The following MDGA2 variants were observed in gnomAD, a reference collection of about 807,000 sequenced individuals.
MDGA2 encodes the protein MAM domain-containing glycosylphosphatidylinositol anchor protein 2.
In MDGA2, 40 loss-of-function variants were observed where a neutral mutation model predicts 117.8. The observed-to-expected ratio is 0.34, with a 90% CI of 0.26 to 0.44. The LOEUF is 0.44. MDGA2 is among the 20% of genes least tolerant of loss of function. The pLI, the probability that MDGA2 is intolerant of heterozygous loss-of-function variation, is 1.00. For missense variants in MDGA2, 1,123 were observed against 1,250.6 expected, an observed-to-expected ratio of 0.90 and a Z score of 1.54; for synonymous variants, 452 against 439.0, an observed-to-expected ratio of 1.03 and a Z score of -0.37.
chr14:47,017,528 T>C (rs551560099), intron 8 of MDGA2, among the ~76,000 whole-genome samples: 1 of 151,950 alleles, frequency 6.6e-6, no homozygotes, highest in Non-Finnish European at 1.5e-5. Flanking sequence ...GTCTGAGGAT[T>C]TAACCAACCC....
intron 3 of MDGA2, among the ~76,000 whole-genome samples, chr14:47,189,356 G>T (rs1002913367): frequency 3.3e-5 from 5 of 152,102 alleles, no homozygotes; most frequent in Non-Finnish European, 7.4e-5. Flanking sequence ...TTTGTGAAAA[G>T]ATTCCTCCCA....
chr14:47,646,010 G>T (rs1266002836), intron 1 of MDGA2, among the ~76,000 whole-genome samples: 2 of 150,212 alleles, frequency 1.3e-5, no homozygotes, highest in African/African-American at 4.9e-5. Context: ...AACTCGGGAG[G>T]CGGAGCTTGC....
chr14:47,575,036 G>A (rs1354626084), intron 1 of MDGA2, among the ~76,000 whole-genome samples: 1 of 152,178 alleles, frequency 6.6e-6, no homozygotes, highest in Non-Finnish European at 1.5e-5. Context: ...ATATAGGTAG[G>A]TGTCTTCTAT....
intron 1 of MDGA2, among the ~76,000 whole-genome samples, chr14:47,430,432 G>T (rs1892776245): frequency 6.6e-6 from 1 of 152,048 alleles, no homozygotes; most frequent in Admixed American, 6.6e-5. Flanking sequence ...TCTTACATAT[G>T]ATCCCTTTGC....
At chr14:47,527,664 TGAG>T in intron 1 of MDGA2, among the ~76,000 whole-genome samples, 1 of 152,256 alleles carries the variant, frequency 6.6e-6, no homozygotes, top group South Asian at 2.1e-4. Context: ...GAAGTGGATA[TGAG>T]GAGAAGCCTC....
chr14:47,106,619 A>G (rs1422428623), intron 5 of MDGA2, among the ~76,000 whole-genome samples: 1 of 151,754 alleles, frequency 6.6e-6, no homozygotes, highest in African/African-American at 2.4e-5. Flanking sequence ...TCTCTGACTG[A>G]CTCCTTCCCA....
chr14:47,176,867 C>G (rs920818534), intron 3 of MDGA2, among the ~76,000 whole-genome samples: 1 of 152,062 alleles, frequency 6.6e-6, no homozygotes, highest in Admixed American at 6.6e-5. Context: ...AACAGGCAAC[C>G]TACACAATGG....
At chr14:47,085,356 T>C (rs964234150) in intron 6 of MDGA2, among the ~76,000 whole-genome samples, 7 of 152,142 alleles carry the variant, frequency 4.6e-5, no homozygotes, top group Non-Finnish European at 8.8e-5. Flanking sequence ...AAACCTAGAA[T>C]TCAAATGTTG....
At chr14:46,955,787 G>C (rs1181275130) in intron 9 of MDGA2, among the ~76,000 whole-genome samples, 2 of 145,100 alleles carry the variant, frequency 1.4e-5, no homozygotes, top group South Asian at 2.2e-4. Flanking sequence ...TTCATGGTAA[G>C]TGGAAGAGTA....
At chr14:47,651,669 A>G (rs1317305407) in intron 1 of MDGA2, among the ~76,000 whole-genome samples, 1 of 152,154 alleles carries the variant, frequency 6.6e-6, no homozygotes, top group Non-Finnish European at 1.5e-5. Flanking sequence ...GGCAAATGGG[A>G]GAATAATGAA....
intron 6 of MDGA2, among the ~76,000 whole-genome samples, chr14:47,093,728 C>T (rs1231187349): frequency 6.6e-6 from 1 of 152,144 alleles, no homozygotes; most frequent in Non-Finnish European, 1.5e-5. Context: ...TTACTTTACA[C>T]TCTTCTCTAT....
chr14:47,081,738 G>A (rs1011443154), intron 6 of MDGA2, among the ~76,000 whole-genome samples: 1 of 152,050 alleles, frequency 6.6e-6, no homozygotes, highest in African/African-American at 2.4e-5. Context: ...TTTTTAGTAT[G>A]CAGTGACTGC....
intron 1 of MDGA2, among the ~76,000 whole-genome samples, chr14:47,619,246 T>C (rs919213683): frequency 2.6e-5 from 4 of 152,044 alleles, no homozygotes; most frequent in African/African-American, 7.2e-5. Context: ...CAATCATAAA[T>C]AGTAACTAAT....
chr14:46,921,133 T>C (rs866747169), intron 9 of MDGA2, among the ~76,000 whole-genome samples: 85 of 152,288 alleles, frequency 5.6e-4, no homozygotes, highest in African/African-American at 2.0e-3. Context: ...ACCTATTCAA[T>C]GCAAAATATT....
intron 4 of MDGA2, among the ~76,000 whole-genome samples, chr14:47,137,685 C>T (rs1457624091): frequency 2.0e-5 from 3 of 152,124 alleles, no homozygotes; most frequent in Admixed American, 6.6e-5. Flanking sequence ...TTATACATTA[C>T]CTAATCTCAG....
intron 2 of MDGA2, among the ~76,000 whole-genome samples, chr14:47,297,673 C>T (rs1265327542): frequency 6.6e-6 from 1 of 152,008 alleles, no homozygotes; most frequent in Non-Finnish European, 1.5e-5. Context: ...TGTAATAAAC[C>T]CTCATTAAAC....
intron 1 of MDGA2, among the ~76,000 whole-genome samples, chr14:47,481,256 GA>G (rs1217304585): frequency 1.3e-5 from 2 of 151,820 alleles, no homozygotes; most frequent in East Asian, 1.9e-4. Context: ...TTCCAGAGAG[GA>G]AAAAAATAAT....
chr14:47,042,327 T>TTTTG (rs1555346016), intron 7 of MDGA2, among the ~76,000 whole-genome samples: 3 of 144,666 alleles, frequency 2.1e-5, no homozygotes, highest in Admixed American at 1.4e-4. Flanking sequence ...TTTTTTTTTT[T>TTTTG]TGTGTGTGTG....
intron 10 of MDGA2, among the ~76,000 whole-genome samples, chr14:46,885,558 T>A (rs139180071): frequency 2.0e-5 from 3 of 152,130 alleles, no homozygotes; most frequent in Non-Finnish European, 4.4e-5. Flanking sequence ...TTTTAAAGAT[T>A]AACTATTAGG....
Sources: allele counts gnomAD v4.1 joint callset (sites outside exome capture counted in the v4.1 genomes callset), GRCh38; gene constraint gnomAD v4.1.1; transcripts MANE v1.5; gene names NCBI Gene and HGNC (gene_info 2026-07-23, HGNC 2026-07-21).